The following FOXN3 variants were observed in gnomAD, a reference collection of about 807,000 sequenced individuals.
The protein encoded by FOXN3 is forkhead box N3.
FOXN3 carries 7 observed loss-of-function variants against 38.4 expected under a neutral mutation model. The ratio of observed to expected loss-of-function variants is 0.18; its 90% CI spans 0.10 to 0.34. The LOEUF is 0.34. Ranked by LOEUF, FOXN3 falls within the 10% of genes least tolerant of loss-of-function variation. The pLI, the probability that FOXN3 is intolerant of heterozygous loss-of-function variation, is 1.00. For synonymous variants in FOXN3, 230 were observed against 242.2 expected (o/e 0.95, Z 0.47); for missense variants, 456 against 613.4 (o/e 0.74, Z 2.71).
chr14:89,543,143 A>G (rs1189386316), intron 1 of FOXN3, among the ~76,000 whole-genome samples: 1 of 152,190 alleles, frequency 6.6e-6, no homozygotes, highest in African/African-American at 2.4e-5. Flanking sequence ...CAACCACCAA[A>G]TAAGTTTGCC....
chr14:89,297,379 G>A (rs1325593859), intron 3 of FOXN3, among the ~76,000 whole-genome samples: 6 of 151,752 alleles, frequency 4.0e-5, no homozygotes, highest in African/African-American at 7.3e-5. Flanking sequence ...TGGCTAACAC[G>A]GTGAAACCCT....
chr14:89,511,150 TTTCTTTCTTTC>T (rs1894054130), intron 1 of FOXN3, among the ~76,000 whole-genome samples: 1 of 18,844 alleles, frequency 5.3e-5, no homozygotes. Flanking sequence ...CTTTTCTTTC[TTTCTTTCTTTC>T]TTTCTTTCTT....
At chr14:89,514,177 G>C (rs1249349545) in intron 1 of FOXN3, among the ~76,000 whole-genome samples, 1 of 152,180 alleles carries the variant, frequency 6.6e-6, no homozygotes, top group Non-Finnish European at 1.5e-5. Context: ...AAGGAGGATG[G>C]AAGGTGGGGA....
At chr14:89,310,463 C>T (rs1005060984) in intron 3 of FOXN3, among the ~76,000 whole-genome samples, 22 of 152,232 alleles carry the variant, frequency 1.4e-4, no homozygotes, top group African/African-American at 1.7e-4. Flanking sequence ...TAAAGCTGCC[C>T]GATTTTCATT....
chr14:89,197,201 A>C (rs1210192339), intron 4 of FOXN3, among the ~76,000 whole-genome samples: 1 of 152,208 alleles, frequency 6.6e-6, no homozygotes, highest in Non-Finnish European at 1.5e-5. Flanking sequence ...TCAGACAGAA[A>C]TGATCAGATA....
At chr14:89,466,968 A>G (rs1254065114) in intron 1 of FOXN3, among the ~76,000 whole-genome samples, 1 of 152,248 alleles carries the variant, frequency 6.6e-6, no homozygotes, top group Non-Finnish European at 1.5e-5. Flanking sequence ...GTGTCTGCAC[A>G]TAAAGACGTG....
intron 2 of FOXN3, among the ~76,000 whole-genome samples, chr14:89,405,024 G>A (rs12050158): frequency 0.3 from 44,983 of 152,046 alleles, 7,710 homozygotes; most frequent in East Asian, 0.61. Flanking sequence ...CTGGTGTCAC[G>A]GTTAGGGGAA....
At chr14:89,605,241 TTG>T (rs1165218097) in intron 1 of FOXN3, among the ~76,000 whole-genome samples, 1 of 152,088 alleles carries the variant, frequency 6.6e-6, no homozygotes, top group Non-Finnish European at 1.5e-5. Context: ...AGAGCAGTGA[TTG>T]GAGTTAAGTG....
intron 1 of FOXN3, among the ~76,000 whole-genome samples, chr14:89,431,325 C>T (rs1364211404): frequency 6.6e-6 from 1 of 152,178 alleles, no homozygotes; most frequent in Non-Finnish European, 1.5e-5. Flanking sequence ...ATTCTCCTGC[C>T]TTAGCCTCCC....
At chr14:89,226,878 A>T (rs1884657001) in intron 4 of FOXN3, among the ~76,000 whole-genome samples, 1 of 152,222 alleles carries the variant, frequency 6.6e-6, no homozygotes, top group Non-Finnish European at 1.5e-5. Context: ...CCAAAACCTC[A>T]GAGAGAGACC....
At chr14:89,415,525 T>G (rs2140100251) in intron 1 of FOXN3, among the ~76,000 whole-genome samples, 1 of 138,548 alleles carries the variant, frequency 7.2e-6, no homozygotes, top group South Asian at 2.3e-4. Flanking sequence ...TCCCTATAAA[T>G]CCCGCATTTT....
intron 1 of FOXN3, among the ~76,000 whole-genome samples, chr14:89,440,100 G>T (rs527538793): frequency 2.6e-5 from 4 of 152,056 alleles, no homozygotes; most frequent in South Asian, 2.1e-4. Context: ...TATTACCTAG[G>T]GGGTACCTGG....
intron 1 of FOXN3, among the ~76,000 whole-genome samples, chr14:89,525,211 C>T (rs1428140400): frequency 3.3e-5 from 5 of 151,992 alleles, no homozygotes; most frequent in African/African-American, 7.3e-5. Context: ...GACAGGCGGT[C>T]AGCACAAGAT....
intron 4 of FOXN3, among the ~76,000 whole-genome samples, 153 bp downstream of exon 4, chr14:89,280,797 C>G (rs909248425): frequency 2.0e-5 from 3 of 151,844 alleles, no homozygotes; most frequent in Non-Finnish European, 4.4e-5. Flanking sequence ...GAGAACTGGA[C>G]AAATAGTCCC....
At chr14:89,476,062 A>T (rs761699299) in intron 1 of FOXN3, among the ~76,000 whole-genome samples, 17 of 152,216 alleles carry the variant, frequency 1.1e-4, no homozygotes, top group Non-Finnish European at 2.2e-4. Context: ...AGGGGTAGGC[A>T]AAGGCAATTA....
intron 2 of FOXN3, among the ~76,000 whole-genome samples, chr14:89,407,850 C>T (rs1307626132): frequency 2.0e-5 from 3 of 152,056 alleles, no homozygotes; most frequent in Non-Finnish European, 4.4e-5. Context: ...AACCGAAAAA[C>T]AACTTCAGAA....
chr14:89,316,371 G>T (rs940766769), intron 3 of FOXN3, among the ~76,000 whole-genome samples: 51 of 141,002 alleles, frequency 3.6e-4, no homozygotes, highest in Middle Eastern at 3.7e-3. Context: ...AGCAAACAAT[G>T]ATTCTTCTTC....
At chr14:89,374,130 G>A (rs1457763530) in intron 2 of FOXN3, among the ~76,000 whole-genome samples, 1 of 151,916 alleles carries the variant, frequency 6.6e-6, no homozygotes, top group Non-Finnish European at 1.5e-5. Flanking sequence ...ACGGCATGAT[G>A]GTGTGCGCCT....
At chr14:89,172,211 G>C (rs1887408020) in intron 5 of FOXN3, among the ~76,000 whole-genome samples, 1 of 152,198 alleles carries the variant, frequency 6.6e-6, no homozygotes, top group East Asian at 1.9e-4. Context: ...TAAGATTTAA[G>C]TAAATGGAGA....
Sources: allele counts gnomAD v4.1 joint callset (sites outside exome capture counted in the v4.1 genomes callset), GRCh38; gene constraint gnomAD v4.1.1; transcripts MANE v1.5; gene names NCBI Gene and HGNC (gene_info 2026-07-23, HGNC 2026-07-21).